HPS1: variants seen among roughly 807,000 people sequenced by gnomAD.
The protein encoded by HPS1 is HPS1 biogenesis of lysosomal organelles complex 3 subunit 1.
A neutral mutation model predicts 90.6 loss-of-function variants in HPS1; 59 were observed. That is an observed-to-expected ratio of 0.65 (90% confidence interval 0.53 to 0.81). The LOEUF is 0.81. Ranked by LOEUF, HPS1 falls within the 30% of genes least tolerant of loss-of-function variation. The pLI is 0.00. For missense variants in HPS1, 849 were observed against 896.7 expected (o/e 0.95, Z 0.68); for synonymous variants, 388 against 384.4 (o/e 1.01, Z -0.11).
At position 98,424,017 on chromosome 10, in the gene HPS1, A is replaced by G. The variant is rs10883093; in HGVS notation, c.1398-130T>C. Reference sequence around the variant, plus strand: ...GCCCTTCCCCCTTGTGGACCACCCCACTCTTGTACCCAGGACAGACCAACC... The same window carrying G: ...GCCCTTCCCCCTTGTGGACCACCCCGCTCTTGTACCCAGGACAGACCAACC... On this transcript the variant is annotated intron_variant, in intron 14 of 19. Transcript: ENST00000361490. 1,210,540 of 1,226,150 alleles carry G rather than the reference A, an allele frequency of 0.99. 597,602 individuals are homozygous for G. Among genetic ancestry groups the G allele is most frequent in the East Asian group, 1 (41,142 of 41,148 alleles). The allele number at this position is 1,226,150 out of a possible 1,614,324, so 76.0% of individuals were successfully genotyped here.
chr10:98,419,519 C>A (rs1844575216), intron 18 of HPS1, among the ~76,000 whole-genome samples: 1 of 152,010 alleles, frequency 6.6e-6, no homozygotes, highest in Non-Finnish European at 1.5e-5. Context: ...ATAGTAAGCT[C>A]CCCCCACTGG....
chr10:98,414,953 G>A (rs1018534250), downstream of HPS1: 64 of 1,581,686 alleles, frequency 4.0e-5, no homozygotes, highest in Admixed American at 9.9e-4. Flanking sequence ...ACCAAGCTCT[G>A]AGCAGGGCTG....
intron 3 of HPS1, among the ~76,000 whole-genome samples, chr10:98,436,282 C>T (rs1847313951): frequency 6.6e-6 from 1 of 151,984 alleles, no homozygotes; most frequent in Non-Finnish European, 1.5e-5. Flanking sequence ...AATAGCAGCA[C>T]ATCAAAATTA....
downstream of HPS1, chr10:98,414,709 T>C (rs138562187): frequency 1.6e-5 from 5 of 316,736 alleles, no homozygotes; most frequent in African/African-American, 6.4e-5. Context: ...TTGCAAGAGA[T>C]ATAGGGAAAC....
At position 98,429,641 on chromosome 10, in the gene HPS1, T is replaced by C; in HGVS notation, c.869A>G (p.Glu290Gly). Reference sequence around the variant, plus strand: ...CTCAGGGAGGGAGAAGCTGTCTGTCTCCTGGAATGGAGAAGGTGGCTCAGG... The same window carrying C: ...CTCAGGGAGGGAGAAGCTGTCTGTCCCCTGGAATGGAGAAGGTGGCTCAGG... ...GPTGGSSAET[E>G]TDSFSLPEEY... The change falls in exon 10 of 20, where the codon GAG becomes GGG. Residue 290 changes from glutamate to glycine, a missense_variant and splice_region_variant. Glu to Gly is a moderately conservative substitution (Grantham distance 98). Transcript: ENST00000361490. 6.2e-7 allele frequency: 1 copy of C among 1,614,182 alleles called. No individual in the cohort carries two copies. The highest frequency in any genetic ancestry group is 8.5e-7 in the Non-Finnish European group (1 of 1,180,032).
chr10:98,425,458 C>A, intron 13 of HPS1, 83 bp downstream of exon 13: 2 of 1,391,830 alleles, frequency 1.4e-6, no homozygotes, highest in Non-Finnish European at 1.0e-6. Context: ...GCCCATTGGC[C>A]CCTCAGCTGC....
At chr10:98,425,497 C>T in intron 13 of HPS1, 44 bp downstream of exon 13, 2 of 1,573,714 alleles carry the variant, frequency 1.3e-6, no homozygotes, top group Non-Finnish European at 1.7e-6. Context: ...TGCTGCCAGC[C>T]CTGCCTCTTC....
In HPS1 at chr10:98,425,454, T is replaced by G. The variant is rs1053990248; in HGVS notation, c.1335+87A>C. The G allele has an allele frequency of 3.0e-6, 4 of 1,351,400 alleles. No homozygotes were observed. In the Admixed American group the frequency reaches 7.8e-5, roughly 27 times the overall value. The allele number at this position is 1,351,400 out of a possible 1,614,324, so 83.7% of individuals were successfully genotyped here. ...AGCCCGGACAGGAACCCAGGCCCAT[T>G]GGCCCCTCAGCTGCTGTGGACCGGA... On this transcript the variant is annotated intron_variant, in intron 13 of 19. Transcript: ENST00000361490.
In HPS1 at chr10:98,416,231, T is replaced by A. The variant is rs1844100658; in HGVS notation, c.*1333A>T. 1 of 152,318 alleles carries A rather than the reference T, an allele frequency of 6.6e-6. No individual in the cohort carries two copies. The highest frequency in any genetic ancestry group is 1.5e-5 in the Non-Finnish European group (1 of 68,026). The allele number at this position is 152,318 out of a possible 1,614,324, so 9.4% of individuals were successfully genotyped here. ...AGGATGTTCACTCCTGTGTTATTTA[T>A]TATATAGAAAGATCAAGGGGACTGG... On this transcript the variant is annotated 3_prime_UTR_variant, in exon 20 of 20. Transcript: ENST00000361490.
At position 98,427,065 on chromosome 10, in the gene HPS1, G is replaced by T. The variant is rs1446139785; in HGVS notation, c.987+150C>A. 5 of 633,294 alleles carry T rather than the reference G, an allele frequency of 7.9e-6. No individual in the cohort carries two copies. In the African/African-American group the frequency reaches 9.2e-5, roughly 12 times the overall value. The allele number at this position is 633,294 out of a possible 1,614,324, so 39.2% of individuals were successfully genotyped here. A position where few individuals can be genotyped will look rare whatever the true frequency, so the allele number is the denominator to read the frequency against. On this transcript the variant is annotated intron_variant, in intron 11 of 19. Transcript: ENST00000361490. ...CCTCTGGGCTGAGCTCTGGCACCAG[G>T]ACAGGCACCTGCACTGACCAGCCCT...
chr10:98,430,270 A>T (rs1846244739), intron 8 of HPS1, among the ~76,000 whole-genome samples: 1 of 152,164 alleles, frequency 6.6e-6, no homozygotes, highest in South Asian at 2.1e-4. Flanking sequence ...TTGCACAGAT[A>T]AGGGCACTGA....
downstream of HPS1, chr10:98,414,748 T>G: frequency 2.3e-6 from 1 of 443,036 alleles, no homozygotes; most frequent in South Asian, 4.6e-5. Context: ...TTCCTGTCAT[T>G]CTCCATGGGA....
At chr10:98,443,961 C>T (rs192497655) in intron 2 of HPS1, among the ~76,000 whole-genome samples, 5 of 152,076 alleles carry the variant, frequency 3.3e-5, no homozygotes, top group East Asian at 3.9e-4. Flanking sequence ...TGCTTGAACC[C>T]GGGAGGCAGA....
downstream of HPS1, chr10:98,415,298 TGCTGCCCTGGG>T (rs528535255): frequency 8.4e-5 from 83 of 983,240 alleles, no homozygotes; most frequent in African/African-American, 1.0e-3. Context: ...GCCAGCCTCC[TGCTGCCCTGGG>T]GCTGTGCTGG....
intron 18 of HPS1, among the ~76,000 whole-genome samples, chr10:98,418,520 C>T (rs187737934): frequency 1.3e-4 from 20 of 152,348 alleles, no homozygotes; most frequent in South Asian, 2.1e-4. Flanking sequence ...CACAAACACA[C>T]GCTCAGGAGG....
rs376502213 is a variant in HPS1, at chr10:98,425,166, G to A, written c.1335+375C>T. Reference sequence around the variant, plus strand: ...CCTGTGAGCCCGGGGACACAGCCCCGCTGCAGAGAGGAAGCCCGTGACGGG... The same window carrying A: ...CCTGTGAGCCCGGGGACACAGCCCCACTGCAGAGAGGAAGCCCGTGACGGG... On this transcript the variant is annotated intron_variant, in intron 13 of 19. Transcript: ENST00000361490. 6.8e-4 allele frequency among the ~76,000 whole-genome samples: 104 copies of A among 152,330 alleles called. 1 individual carries two copies. In the South Asian group the frequency reaches 0.016, roughly 24 times the overall value.
chr10:98,431,626 A>G (rs1251101605), intron 6 of HPS1, among the ~76,000 whole-genome samples: 2 of 152,246 alleles, frequency 1.3e-5, no homozygotes, highest in Non-Finnish European at 2.9e-5. Context: ...TCCCTGAATT[A>G]GGTCACCTTT....
chr10:98,441,571 C>G (rs1334305995), intron 3 of HPS1, among the ~76,000 whole-genome samples: 1 of 152,146 alleles, frequency 6.6e-6, no homozygotes, highest in East Asian at 1.9e-4. Context: ...AGAATACAAA[C>G]ACAAGCCACA....
intron 16 of HPS1, among the ~76,000 whole-genome samples, chr10:98,423,286 C>CCG (rs372707188): frequency 1.2e-4 from 15 of 122,608 alleles, no homozygotes; most frequent in African/African-American, 3.0e-4. Flanking sequence ...GGAACCCCCC[C>CCG]CCCGGTCCCC....
Sources: gnomAD v4.1 joint callset for allele counts (sites outside exome capture counted in the v4.1 genomes callset) on GRCh38, gnomAD v4.1.1 for gene constraint, MANE v1.5 for transcripts, NCBI Gene and HGNC (gene_info 2026-07-23, HGNC 2026-07-21) for gene names.